Variants in CAPN13 observed in about 807,000 individuals in gnomAD.
CAPN13 encodes the protein calpain-13.
In CAPN13, 90 loss-of-function variants were observed where a neutral mutation model predicts 98.4. That is an observed-to-expected ratio of 0.92 (90% CI 0.77 to 1.09). The LOEUF (loss-of-function observed/expected upper bound fraction) is 1.09. Among genes scored for constraint, CAPN13 ranks in the 50% least tolerant of loss-of-function variants. The probability of loss-of-function intolerance (pLI) is 0.00; values close to 1 mark genes in which losing one functional copy is unlikely to be tolerated. For synonymous variants in CAPN13, 330 were observed against 305.5 expected, an observed-to-expected ratio of 1.08 and a Z score of -0.84; for missense variants, 887 against 841.3, an observed-to-expected ratio of 1.05 and a Z score of -0.67.
At chr2:30,780,455 G>A (rs1387630875) in intron 2 of CAPN13, among the ~76,000 whole-genome samples, 1 of 152,184 alleles carries the variant, frequency 6.6e-6, no homozygotes, top group Non-Finnish European at 1.5e-5. Context: ...ACTTACATGG[G>A]CCAAAGGGAG....
intron 5 of CAPN13, among the ~76,000 whole-genome samples, chr2:30,767,199 G>T (rs549648492): frequency 6.6e-6 from 1 of 152,288 alleles, no homozygotes; most frequent in African/African-American, 2.4e-5. Context: ...TTCAAAGAAG[G>T]TGGGGTTTGA....
In CAPN13 at chr2:30,764,172, G is replaced by T; in HGVS notation, c.659C>A (p.Thr220Asn). 1.3e-6 allele frequency: 2 copies of T among 1,595,890 alleles called. No individual in the cohort carries two copies. The highest frequency in any genetic ancestry group is 8.5e-7 in the Non-Finnish European group (1 of 1,170,954). The change falls in exon 6 of 23, where the codon ACC becomes AAC. Residue 220 changes from threonine (T) to asparagine (N), a missense_variant. By Grantham distance (65) the Thr-to-Asn change is moderately conservative (BLOSUM62 0). Coordinates refer to ENST00000295055, the MANE Select transcript of CAPN13 (RefSeq NM_144575.3). The part of the protein sequence containing the change: ...VDLVKAVKTA[T>N]KAGSLITCAT... ...ACAGGTTATCAGGGAGCCTGCCTTGGTCGCTGTCTTCACTGCCTTCACCAG... is the reference window on the plus strand; with the variant it reads ...ACAGGTTATCAGGGAGCCTGCCTTGTTCGCTGTCTTCACTGCCTTCACCAG...
chr2:30,800,981 AG>A (rs922127098), intron 1 of CAPN13, among the ~76,000 whole-genome samples: 1 of 152,156 alleles, frequency 6.6e-6, no homozygotes, highest in African/African-American at 2.4e-5. Context: ...TCATCCTTGA[AG>A]GAGAGATGCA....
chr2:30,760,972 C>T (rs968491151), intron 7 of CAPN13, among the ~76,000 whole-genome samples: 2 of 150,386 alleles, frequency 1.3e-5, no homozygotes, highest in African/African-American at 4.8e-5. Context: ...AATGAATTAT[C>T]CCGAATGCCA....
intron 1 of CAPN13, among the ~76,000 whole-genome samples, chr2:30,789,559 C>T (rs1674498545): frequency 6.6e-6 from 1 of 152,128 alleles, no homozygotes; most frequent in South Asian, 2.1e-4. Context: ...ATCTGGGGGG[C>T]CCCCACTGTG....
At chr2:30,794,775 G>A (rs1674775159) in intron 1 of CAPN13, among the ~76,000 whole-genome samples, 1 of 151,948 alleles carries the variant, frequency 6.6e-6, no homozygotes, top group African/African-American at 2.4e-5. Flanking sequence ...GTGAAAGCCA[G>A]TCAAAGTAGA....
At chr2:30,798,897 G>A (rs957106705) in intron 1 of CAPN13, among the ~76,000 whole-genome samples, 3 of 152,204 alleles carry the variant, frequency 2.0e-5, no homozygotes, top group Non-Finnish European at 2.9e-5. Context: ...ACAAGGAAGG[G>A]TGGGGGAAGG....
chr2:30,782,305 C>T (rs1343922007), intron 2 of CAPN13, among the ~76,000 whole-genome samples: 3 of 152,192 alleles, frequency 2.0e-5, no homozygotes, highest in African/African-American at 7.2e-5. Context: ...TCTTAGTATT[C>T]GGCCTTTTCA....
At chr2:30,738,780 C>T (rs2593439) in intron 15 of CAPN13, among the ~76,000 whole-genome samples, 86,242 of 152,030 alleles carry the variant, frequency 0.57, 25,814 homozygotes, top group African/African-American at 0.77. Flanking sequence ...AGGGTAAGTA[C>T]TGTTGAATGA....
intron 2 of CAPN13, among the ~76,000 whole-genome samples, chr2:30,785,198 G>A (rs1428188886): frequency 6.6e-6 from 1 of 152,178 alleles, no homozygotes; most frequent in Non-Finnish European, 1.5e-5. Flanking sequence ...AAGTCAGTGG[G>A]GGGAAAGTGC....
intron 11 of CAPN13, 71 bp downstream of exon 11, chr2:30,751,032 G>C: frequency 2.0e-6 from 3 of 1,534,884 alleles, no homozygotes; most frequent in South Asian, 2.4e-5. Context: ...AGCCTGGCCA[G>C]AGCTGTTCTC....
At chr2:30,763,998 C>T (rs372738715) in intron 6 of CAPN13, 134 bp downstream of exon 6, 42 of 864,210 alleles carry the variant, frequency 4.9e-5, no homozygotes, top group African/African-American at 3.5e-4. Flanking sequence ...TGGGGTGACC[C>T]GGGTAAAGCA....
At chr2:30,742,937 G>A (rs1051431350) in intron 13 of CAPN13, among the ~76,000 whole-genome samples, 3 of 152,130 alleles carry the variant, frequency 2.0e-5, no homozygotes, top group Non-Finnish European at 4.4e-5. Flanking sequence ...CCACCTTCCT[G>A]TATGGATGCC....
intron 21 of CAPN13, 121 bp from the exon 22 acceptor site, chr2:30,730,907 T>G: frequency 1.4e-6 from 1 of 724,046 alleles, no homozygotes; most frequent in Non-Finnish European, 2.5e-6. Flanking sequence ...CCCTTCCAGC[T>G]AATTCCAACC....
intron 12 of CAPN13, among the ~76,000 whole-genome samples, chr2:30,745,091 C>T (rs1402097752): frequency 6.6e-6 from 1 of 152,138 alleles, no homozygotes; most frequent in Non-Finnish European, 1.5e-5. Flanking sequence ...TCCTCTCTTT[C>T]ATCTGTGGTC....
rs749358669 is a variant in CAPN13 at position 30,753,056 on chromosome 2, C to A, written c.1084G>T (p.Ala362Ser). 14 of 1,613,860 alleles carry A rather than the reference C, an allele frequency of 8.7e-6. No homozygotes were observed. In the Admixed American group the frequency reaches 1.2e-4, roughly 13 times the overall value. Residue 362 changes from alanine to serine, a missense_variant, in exon 10 of 23, where the codon GCA becomes TCA. Transcript: ENST00000295055. ...TGACCACCAGCGTCATGATTACCTG[C>A]AGTGTTTCCTAGAATCACTTGCTTC... ...FRKQVILGNT[A>S]GGPRNDAQFN...
At chr2:30,754,226 G>T in intron 9 of CAPN13, 64 bp downstream of exon 9, 1 of 1,291,006 alleles carries the variant, frequency 7.7e-7, no homozygotes, top group African/African-American at 1.5e-5. Flanking sequence ...CAGGGAAAAG[G>T]GTAGGGATTG....
chr2:30,747,365 G>A (rs1671965471), intron 11 of CAPN13, among the ~76,000 whole-genome samples: 1 of 152,218 alleles, frequency 6.6e-6, no homozygotes, highest in South Asian at 2.1e-4. Flanking sequence ...ACCAGGTGAT[G>A]TCTTCCTTAG....
At chr2:30,756,469 G>C (rs966949168) in intron 8 of CAPN13, among the ~76,000 whole-genome samples, 1 of 152,186 alleles carries the variant, frequency 6.6e-6, no homozygotes, top group Non-Finnish European at 1.5e-5. Context: ...GGTGTCCCCT[G>C]TTGCCTTCAC....
Sources: gnomAD v4.1 joint callset for allele counts (sites outside exome capture counted in the v4.1 genomes callset) on GRCh38, gnomAD v4.1.1 for gene constraint, MANE v1.5 for transcripts, NCBI Gene and HGNC (gene_info 2026-07-23, HGNC 2026-07-21) for gene names.